NFX1: variants seen among roughly 807,000 people sequenced by gnomAD.
The protein encoded by NFX1 is transcriptional repressor NF-X1.
A neutral mutation model predicts 137.2 loss-of-function variants in NFX1; 69 were observed. That is an observed-to-expected ratio of 0.50 (90% CI 0.41 to 0.61). The LOEUF is 0.61. NFX1 is among the 20% of genes least tolerant of loss of function. The pLI is 0.00. For missense variants in NFX1, 1,167 were observed against 1,391.0 expected (o/e 0.84, Z 2.56); for synonymous variants, 495 against 474.1 (o/e 1.04, Z -0.57).
At chr9:33,317,467 C>T (rs1822209274) in intron 7 of NFX1, among the ~76,000 whole-genome samples, 1 of 147,656 alleles carries the variant, frequency 6.8e-6, no homozygotes, top group Non-Finnish European at 1.5e-5. Context: ...ATTGCACATG[C>T]ACTTACTGGA....
rs892258235 is a variant in NFX1 at position 33,318,744 on chromosome 9, C to A, written c.1602C>A (p.Gly534=). The stretch of plus-strand genomic sequence containing the variant: ...TTTCTCTTCAAGTATGCTATTGCGG[C>A]AGCACCTCCCGAGATGTGTTATGTG... ...QIILNQVCYC[G]STSRDVLCGT... is the part of the protein sequence containing the mutation. Residue 534 remains glycine, a synonymous_variant, in exon 8 of 24, where the codon GGC becomes GGA. Coordinates refer to ENST00000379540, the MANE Select transcript of NFX1 (RefSeq NM_002504.6). 8 of 1,614,024 alleles carry A rather than the reference C, an allele frequency of 5.0e-6. No homozygotes were observed. The highest frequency in any genetic ancestry group is 6.8e-6 in the Non-Finnish European group (8 of 1,180,018).
At chr9:33,363,819 GTTTAT>G (rs1159549552) in intron 19 of NFX1, among the ~76,000 whole-genome samples, 186 bp from the exon 20 acceptor site, 1 of 152,098 alleles carries the variant, frequency 6.6e-6, no homozygotes, top group East Asian at 1.9e-4. Flanking sequence ...TTATAGATCT[GTTTAT>G]TTTCTTTTAT....
At position 33,351,737 on chromosome 9, in the gene NFX1, A is replaced by G; in HGVS notation, c.2602A>G (p.Met868Val). The G allele has an allele frequency of 1.9e-6, 3 of 1,612,052 alleles. No individual in the cohort carries two copies. Among genetic ancestry groups the G allele is most frequent in the African/African-American group, 1.3e-5 (1 of 75,000 alleles). Reference sequence around the variant, plus strand: ...CAGAGCTGACTGTGGTCACCCGTGTATGGCACCCTGCCATACCAGCTCACC... The same window carrying G: ...CAGAGCTGACTGTGGTCACCCGTGTGTGGCACCCTGCCATACCAGCTCACC... The part of the protein sequence containing the change: ...TPRADCGHPC[M>V]APCHTSSPCP... The change falls in exon 16 of 24, where the codon ATG becomes GTG. Residue 868 changes from methionine to valine, a missense_variant. This residue lies in a region of NFX1 where 488 missense variants were observed against 691.5 expected (regional missense o/e 0.71). Transcript: ENST00000379540.
intron 11 of NFX1, 47 bp downstream of exon 11, chr9:33,332,549 G>A (rs371320881): frequency 1.4e-4 from 193 of 1,382,704 alleles, no homozygotes; most frequent in Admixed American, 3.5e-4. Flanking sequence ...TGAAAGTGTC[G>A]TCACTCTGAA....
At chr9:33,354,055 CCT>C in intron 17 of NFX1, 29 bp from the exon 18 acceptor site, 1 of 1,553,368 alleles carries the variant, frequency 6.4e-7, no homozygotes, top group Non-Finnish European at 8.7e-7. Context: ...AACTGCAATG[CCT>C]CTTTTTCCCT....
At chr9:33,318,514 T>C (rs1822258822) in intron 7 of NFX1, among the ~76,000 whole-genome samples, 1 of 152,200 alleles carries the variant, frequency 6.6e-6, no homozygotes, top group Non-Finnish European at 1.5e-5. Context: ...TTTTTTAATT[T>C]CTTCCTATGG....
chr9:33,365,555 C>T (rs1225147434), intron 21 of NFX1: 1 of 152,226 alleles, frequency 6.6e-6, no homozygotes, highest in East Asian at 1.9e-4. Flanking sequence ...CTGCAGTAAG[C>T]TGAGGTTGAG....
intron 12 of NFX1, among the ~76,000 whole-genome samples, chr9:33,340,275 C>T (rs889837169): frequency 1.3e-5 from 2 of 152,236 alleles, no homozygotes; most frequent in African/African-American, 4.8e-5. Flanking sequence ...TCTGTGCACC[C>T]GCAGGCTCAG....
chr9:33,358,137 T>G (rs1486196659), intron 19 of NFX1, among the ~76,000 whole-genome samples: 1 of 152,180 alleles, frequency 6.6e-6, no homozygotes, highest in African/African-American at 2.4e-5. Context: ...TTGTAATTTT[T>G]TTTTTGAGAC....
chr9:33,314,953 GTATC>G (rs1411863980), intron 7 of NFX1, among the ~76,000 whole-genome samples: 3 of 152,170 alleles, frequency 2.0e-5, no homozygotes, highest in Admixed American at 6.5e-5. Context: ...AAAGTAGAAA[GTATC>G]TACATGAATA....
chr9:33,319,965 CTTT>C (rs796293415), intron 9 of NFX1, among the ~76,000 whole-genome samples: 2 of 140,192 alleles, frequency 1.4e-5, no homozygotes. Flanking sequence ...CTTTTCTTTT[CTTT>C]TTTTTTTTTT....
At chr9:33,340,290 A>G (rs1041058634) in intron 12 of NFX1, among the ~76,000 whole-genome samples, 1 of 152,254 alleles carries the variant, frequency 6.6e-6, no homozygotes, top group Admixed American at 6.5e-5. Context: ...GCTCAGCACC[A>G]CATGGAAGCT....
At position 33,366,420 on chromosome 9, in the gene NFX1, G is replaced by T. The variant is rs573750368; in HGVS notation, c.3040-209G>T. Reference sequence around the variant, plus strand: ...CTAACCCTGTCCAGCTGCGACTGTTGTGGCTCACAGAGTAGGTGAAAGAAG... The same window carrying T: ...CTAACCCTGTCCAGCTGCGACTGTTTTGGCTCACAGAGTAGGTGAAAGAAG... On this transcript the variant is annotated intron_variant, in intron 21 of 23. Coordinates refer to ENST00000379540, the MANE Select transcript of NFX1 (RefSeq NM_002504.6). Among the ~76,000 whole-genome samples the T allele has an allele frequency of 3.9e-5, 6 of 152,200 alleles. No individual in the cohort carries two copies. In the East Asian group the frequency reaches 1.2e-3, roughly 29 times the overall value.
At chr9:33,306,236 CTG>C (rs1282288061) in intron 4 of NFX1, among the ~76,000 whole-genome samples, 1 of 152,162 alleles carries the variant, frequency 6.6e-6, no homozygotes, top group African/African-American at 2.4e-5. Flanking sequence ...TCAGAGATGA[CTG>C]TAGTTTTTGA....
In NFX1 at chr9:33,363,992, C is replaced by CCT. The variant is rs762278570; in HGVS notation, c.2874-7_2874-6dup. ...CCCTCCCACTCCTTTTATTTGCATACCTCTCTCTCTCTTTCAGGAGATTAG... is the reference window on the plus strand; with the variant it reads ...CCCTCCCACTCCTTTTATTTGCATACCTCTCTCTCTCTCTTTCAGGAGATTAG... On this transcript the variant is annotated splice_polypyrimidine_tract_variant and intron_variant, in intron 19 of 23. Coordinates refer to ENST00000379540, the MANE Select transcript of NFX1 (RefSeq NM_002504.6). The CCT allele has an allele frequency of 1.3e-5, 19 of 1,513,908 alleles. No individual in the cohort carries two copies. The highest frequency in any genetic ancestry group is 7.2e-5 in the East Asian group (3 of 41,654). The allele number at this position is 1,513,908 out of a possible 1,614,324, so 93.8% of individuals were successfully genotyped here.
At chr9:33,295,847 C>T (rs1821336029) in intron 2 of NFX1, among the ~76,000 whole-genome samples, 1 of 152,190 alleles carries the variant, frequency 6.6e-6, no homozygotes, top group South Asian at 2.1e-4. Context: ...GCAGCAGTTC[C>T]TAACTGGTCT....
rs572935120 is a variant in NFX1 at position 33,341,963 on chromosome 9, A to G, written c.2116-783A>G. ...GAACCCTGTCTCTACTAGAAATACA[A>G]AACTTACCTGGACATTGTTGTGGGC... On this transcript the variant is annotated intron_variant, in intron 12 of 23. Coordinates refer to ENST00000379540, the MANE Select transcript of NFX1 (RefSeq NM_002504.6). Among the ~76,000 whole-genome samples, 195 of 152,118 alleles carry G rather than the reference A, an allele frequency of 1.3e-3. 1 individual carries two copies. Among genetic ancestry groups the G allele is most frequent in the Non-Finnish European group, 2.3e-3 (157 of 68,006 alleles).
At chr9:33,330,302 G>T (rs1176690527) in intron 10 of NFX1, among the ~76,000 whole-genome samples, 1 of 152,176 alleles carries the variant, frequency 6.6e-6, no homozygotes, top group African/African-American at 2.4e-5. Flanking sequence ...GGGTCTGGCA[G>T]CATCTGACTT....
intron 21 of NFX1, among the ~76,000 whole-genome samples, chr9:33,366,319 A>C (rs1348398280): frequency 6.6e-6 from 1 of 151,860 alleles, no homozygotes; most frequent in East Asian, 1.9e-4. Context: ...AATATCACCC[A>C]CTCCCCAGTT....
Sources: gnomAD v4.1 joint callset for allele counts (sites outside exome capture counted in the v4.1 genomes callset) on GRCh38, gnomAD v4.1.1 for gene constraint, gnomAD v4.1.1 regional missense constraint, MANE v1.5 for transcripts, NCBI Gene and HGNC (gene_info 2026-07-23, HGNC 2026-07-21) for gene names.